UQCC1: variants seen among roughly 807,000 people sequenced by gnomAD.
UQCC1 encodes the protein ubiquinol-cytochrome c reductase complex assembly factor 1, also known as bFGF-repressed Zic-binding protein.
In UQCC1, 38 loss-of-function variants were observed where a neutral mutation model predicts 48.0. The observed-to-expected ratio is 0.79, with a 90% CI of 0.61 to 1.04. UQCC1 has a LOEUF of 1.04. Among genes scored for constraint, UQCC1 ranks in the 50% least tolerant of loss-of-function variants. The pLI is 0.00. For missense variants in UQCC1, 368 were observed against 381.8 expected, an observed-to-expected ratio of 0.96 and a Z score of 0.30; for synonymous variants, 111 against 129.2, an observed-to-expected ratio of 0.86 and a Z score of 0.95.
chr20:35,355,596 C>A (rs1487079068), intron 6 of UQCC1, among the ~76,000 whole-genome samples: 1 of 152,166 alleles, frequency 6.6e-6, no homozygotes, highest in Non-Finnish European at 1.5e-5. Context: ...AGCTGAATAC[C>A]AATTCTTAGG....
chr20:35,307,951 G>A (rs2060947163), intron 8 of UQCC1, among the ~76,000 whole-genome samples: 1 of 152,182 alleles, frequency 6.6e-6, no homozygotes, highest in East Asian at 1.9e-4. Flanking sequence ...CTGAGCCTCA[G>A]TTTTTCATGA....
At chr20:35,346,393 C>T in intron 7 of UQCC1, 1 of 158,858 alleles carries the variant, frequency 6.3e-6, no homozygotes, top group Non-Finnish European at 1.4e-5. Flanking sequence ...TCTGCGGCTT[C>T]ATTCTTGAAG....
At chr20:35,399,859 A>AC (rs1175189339) in intron 1 of UQCC1, among the ~76,000 whole-genome samples, 5 of 148,322 alleles carry the variant, frequency 3.4e-5, no homozygotes, top group Non-Finnish European at 7.5e-5. Context: ...CTCCACTCAA[A>AC]AAAAAAAAAA....
intron 7 of UQCC1, among the ~76,000 whole-genome samples, chr20:35,320,953 T>C (rs2061117285): frequency 6.6e-6 from 1 of 152,244 alleles, no homozygotes; most frequent in African/African-American, 2.4e-5. Context: ...TAGTTTGCTG[T>C]AGTAGACAGT....
chr20:35,376,181 GC>G (rs11476420), intron 4 of UQCC1, among the ~76,000 whole-genome samples: 71,102 of 151,256 alleles, frequency 0.47, 20,507 homozygotes, highest in East Asian at 0.72. Flanking sequence ...GGTGGCAGGC[GC>G]CTGTAATCCC....
chr20:35,360,378 G>A (rs993827956), intron 6 of UQCC1, among the ~76,000 whole-genome samples: 2 of 152,098 alleles, frequency 1.3e-5, no homozygotes, highest in East Asian at 1.9e-4. Flanking sequence ...CTCTGGCTGC[G>A]CTGAGACTGG....
intron 4 of UQCC1, among the ~76,000 whole-genome samples, chr20:35,380,158 CAT>C (rs886203315): frequency 6.6e-6 from 1 of 152,058 alleles, no homozygotes; most frequent in Non-Finnish European, 1.5e-5. Context: ...TCAAACAAAA[CAT>C]ATACTTTAAG....
chr20:35,324,772 T>C (rs1386362431), intron 7 of UQCC1, among the ~76,000 whole-genome samples: 4 of 152,216 alleles, frequency 2.6e-5, no homozygotes, highest in Non-Finnish European at 5.9e-5. Context: ...TGGAAAACAG[T>C]TTGGCGGTTT....
In UQCC1 at chr20:35,331,342, C is replaced by T. The variant is rs148032586; in HGVS notation, c.573+15822G>A. Among the ~76,000 whole-genome samples, 4 of 150,724 alleles carry T rather than the reference C, an allele frequency of 2.7e-5. No individual in the cohort carries two copies. In the East Asian group the frequency reaches 7.8e-4, roughly 30 times the overall value. ...GCAGAAAGGGGTCAAAAGTCCAACA[C>T]CAAAAATATATATCTTTATAAGTCA... On this transcript the variant is annotated intron_variant, in intron 7 of 9. Transcript: ENST00000374385.
intron 1 of UQCC1, among the ~76,000 whole-genome samples, chr20:35,404,616 T>C (rs1030341234): frequency 6.7e-6 from 1 of 149,098 alleles, no homozygotes; most frequent in Non-Finnish European, 1.5e-5. Context: ...TGTATACATA[T>C]GTAACAAACC....
chr20:35,386,456 A>G lies in UQCC1; in HGVS notation c.130-2323T>C, dbSNP rs185807107. ...TATTTACTTTTCTTTCCAAACGAGG[A>G]TATTAAAAAATTAGTCAGGATTCTT... On this transcript the variant is annotated intron_variant, in intron 2 of 9. Transcript: ENST00000374385. 1.9e-3 allele frequency: 812 copies of G among 423,116 alleles called. 1 individual carries two copies. The highest frequency in any genetic ancestry group is 3.1e-3 in the Non-Finnish European group (672 of 215,260). 26.2% of individuals were successfully genotyped at this position (423,116 alleles called of 1,614,324 possible).
intron 7 of UQCC1, among the ~76,000 whole-genome samples, chr20:35,336,587 CT>C (rs2061318920): frequency 6.6e-6 from 1 of 152,108 alleles, no homozygotes; most frequent in South Asian, 2.1e-4. Context: ...AGAGTCTCCC[CT>C]AGAACCTCCA....
At chr20:35,314,067 C>T (rs184689719) in intron 8 of UQCC1, among the ~76,000 whole-genome samples, 279 of 152,184 alleles carry the variant, frequency 1.8e-3, no homozygotes, top group African/African-American at 6.3e-3. Flanking sequence ...CAGGTTCAAG[C>T]GATTCACCTG....
intron 7 of UQCC1, among the ~76,000 whole-genome samples, chr20:35,322,800 A>C (rs1396885067): frequency 6.6e-6 from 1 of 152,166 alleles, no homozygotes; most frequent in East Asian, 1.9e-4. Context: ...CCTGCTTGTA[A>C]GTGACAGTGC....
intron 7 of UQCC1, among the ~76,000 whole-genome samples, chr20:35,323,035 G>T (rs2061149155): frequency 6.6e-6 from 1 of 152,134 alleles, no homozygotes; most frequent in Admixed American, 6.5e-5. Flanking sequence ...TTTTAGTAGA[G>T]ACGGGGTTTC....
chr20:35,375,590 A>G (rs1218876709), intron 4 of UQCC1, among the ~76,000 whole-genome samples: 1 of 152,152 alleles, frequency 6.6e-6, no homozygotes, highest in Non-Finnish European at 1.5e-5. Flanking sequence ...ACCTAAAAGC[A>G]AGCAGAAAGA....
At chr20:35,342,030 A>T (rs1336368361) in intron 7 of UQCC1, among the ~76,000 whole-genome samples, 3 of 152,202 alleles carry the variant, frequency 2.0e-5, no homozygotes, top group Admixed American at 6.5e-5. Context: ...GCAGAATTAC[A>T]CAAGAGTCAA....
At chr20:35,408,955 C>A (rs564709525) in intron 1 of UQCC1, among the ~76,000 whole-genome samples, 2 of 152,168 alleles carry the variant, frequency 1.3e-5, no homozygotes, top group East Asian at 1.9e-4. Context: ...AGGTCAAATA[C>A]TGTATGATTC....
intron 6 of UQCC1, among the ~76,000 whole-genome samples, chr20:35,356,847 C>T (rs540510930): frequency 6.6e-6 from 1 of 151,776 alleles, no homozygotes; most frequent in Non-Finnish European, 1.5e-5. Context: ...TTAGAAATAG[C>T]ACATCAGGAA....
Sources: allele counts gnomAD v4.1 joint callset (sites outside exome capture counted in the v4.1 genomes callset), GRCh38; gene constraint gnomAD v4.1.1; transcripts MANE v1.5; gene names NCBI Gene and HGNC (gene_info 2026-07-23, HGNC 2026-07-21).